The following GRM7 variants were observed in gnomAD, a reference collection of about 807,000 sequenced individuals.
GRM7 encodes glutamate metabotropic receptor 7.
In GRM7, 35 loss-of-function variants were observed where a neutral mutation model predicts 84.5. The observed-to-expected ratio is 0.41, with a 90% confidence interval of 0.32 to 0.55. The LOEUF is 0.55. Among genes scored for constraint, GRM7 ranks in the 20% least tolerant of loss-of-function variants. GRM7 has a pLI of 0.19. For synonymous variants in GRM7, 487 were observed against 455.1 expected (o/e 1.07, Z -0.89); for missense variants, 1,003 against 1,194.6 (o/e 0.84, Z 2.36).
At chr3:7,642,876 A>T (rs1281193274) in intron 8 of GRM7, among the ~76,000 whole-genome samples, 1 of 152,164 alleles carries the variant, frequency 6.6e-6, no homozygotes, top group African/African-American at 2.4e-5. Context: ...CACTCATTTT[A>T]TAGATCATGA....
At chr3:7,164,086 C>G (rs1694720133) in intron 2 of GRM7, among the ~76,000 whole-genome samples, 1 of 152,068 alleles carries the variant, frequency 6.6e-6, no homozygotes, top group South Asian at 2.1e-4. Flanking sequence ...TAGCCACATG[C>G]AGTGGCTCAC....
chr3:7,099,321 A>ATATATGTACACATGTATTATACATGTC (rs1698978789), intron 1 of GRM7, among the ~76,000 whole-genome samples: 1 of 146,496 alleles, frequency 6.8e-6, no homozygotes, highest in African/African-American at 2.6e-5. Flanking sequence ...TTATACATGT[A>ATATATGTACACATGTATTATACATGTC]TATATGTACA....
chr3:7,452,274 A>G (rs1479308851), intron 5 of GRM7, among the ~76,000 whole-genome samples: 1 of 152,140 alleles, frequency 6.6e-6, no homozygotes, highest in Non-Finnish European at 1.5e-5. Context: ...TGACCTTTCT[A>G]GAGTAAGCGA....
chr3:7,181,812 T>C (rs1695347157), intron 2 of GRM7, among the ~76,000 whole-genome samples: 1 of 152,030 alleles, frequency 6.6e-6, no homozygotes, highest in South Asian at 2.1e-4. Flanking sequence ...GAGGTGACTA[T>C]GTTGGCCAGG....
At chr3:7,108,096 C>A (rs1692716319) in intron 1 of GRM7, among the ~76,000 whole-genome samples, 1 of 152,010 alleles carries the variant, frequency 6.6e-6, no homozygotes, top group African/African-American at 2.4e-5. Context: ...CTACATTATG[C>A]CATTTTTAGT....
chr3:7,259,804 C>T (rs1428429761), intron 2 of GRM7, among the ~76,000 whole-genome samples: 2 of 152,024 alleles, frequency 1.3e-5, no homozygotes, highest in Non-Finnish European at 2.9e-5. Context: ...TGGGTATATA[C>T]CCAGTAATGG....
At chr3:6,971,607 C>G (rs985270528) in intron 1 of GRM7, among the ~76,000 whole-genome samples, 3 of 152,196 alleles carry the variant, frequency 2.0e-5, no homozygotes, top group Admixed American at 2.0e-4. Flanking sequence ...TAGCATCATG[C>G]ATTGCTAAAT....
intron 6 of GRM7, among the ~76,000 whole-genome samples, chr3:7,461,009 C>A (rs1698224360): frequency 6.6e-6 from 1 of 152,160 alleles, no homozygotes; most frequent in Non-Finnish European, 1.5e-5. Context: ...GAATACCTGA[C>A]AAATACACTG....
At chr3:7,042,871 T>C (rs1320665000) in intron 1 of GRM7, among the ~76,000 whole-genome samples, 1 of 152,188 alleles carries the variant, frequency 6.6e-6, no homozygotes, top group African/African-American at 2.4e-5. Flanking sequence ...AATTTTACCT[T>C]GTTGATTACT....
intron 4 of GRM7, among the ~76,000 whole-genome samples, chr3:7,384,913 A>T (rs765704851): frequency 6.6e-6 from 1 of 152,358 alleles, no homozygotes; most frequent in Admixed American, 6.5e-5. Context: ...TGTGCTATGG[A>T]GATCAAATAT....
chr3:7,420,313 A>T (rs2124825196), intron 5 of GRM7, among the ~76,000 whole-genome samples: 1 of 152,278 alleles, frequency 6.6e-6, no homozygotes. Flanking sequence ...TTATTATTCT[A>T]TTCTGAATTG....
chr3:7,247,806 G>T (rs1575078008), intron 2 of GRM7, among the ~76,000 whole-genome samples: 2 of 152,030 alleles, frequency 1.3e-5, no homozygotes. Flanking sequence ...AAAGGTCAAA[G>T]ACCTTGTGAA....
chr3:7,209,580 A>C (rs796263302), intron 2 of GRM7, among the ~76,000 whole-genome samples: 1 of 152,242 alleles, frequency 6.6e-6, no homozygotes, highest in Admixed American at 6.5e-5. Context: ...AGAGCCAGGT[A>C]GAGACTGCAC....
chr3:7,498,254 T>G (rs1699770114), intron 7 of GRM7, among the ~76,000 whole-genome samples: 1 of 152,190 alleles, frequency 6.6e-6, no homozygotes, highest in South Asian at 2.1e-4. Context: ...GAAAGTGACT[T>G]ATTGAATGAC....
intron 4 of GRM7, among the ~76,000 whole-genome samples, chr3:7,373,721 C>G (rs531836284): frequency 6.6e-6 from 1 of 152,256 alleles, no homozygotes; most frequent in East Asian, 1.9e-4. Flanking sequence ...CTCCAAGTTT[C>G]TACTTTGATA....
intron 1 of GRM7, among the ~76,000 whole-genome samples, chr3:7,097,882 C>A (rs148474712): frequency 4.0e-3 from 608 of 152,200 alleles, no homozygotes; most frequent in Middle Eastern, 0.01. Context: ...ATTTGCCATA[C>A]CTTTGACTTG....
At position 7,593,709 on chromosome 3, in the gene GRM7, TG is replaced by T. The variant is rs560818983; in HGVS notation, c.2451+14356del. Reference sequence around the variant, plus strand: ...TAGAGGATGGAGGTAGAAAATGGAATGGGGTGGGGGTAGCCAGTGGCTATTT... The same window carrying T: ...TAGAGGATGGAGGTAGAAAATGGAATGGGTGGGGGTAGCCAGTGGCTATTT... On this transcript the variant is annotated intron_variant, in intron 8 of 9. Transcript: ENST00000357716. 9.9e-5 allele frequency among the ~76,000 whole-genome samples: 15 copies of T among 151,866 alleles called. No homozygotes were observed. The South Asian group carries it at 2.9e-3, about 30-fold the overall frequency.
chr3:6,943,687 A>G (rs1476303669), intron 1 of GRM7, among the ~76,000 whole-genome samples: 1 of 152,004 alleles, frequency 6.6e-6, no homozygotes, highest in African/African-American at 2.4e-5. Context: ...GCATGTCCAC[A>G]TTCGTTTTAG....
intron 2 of GRM7, among the ~76,000 whole-genome samples, chr3:7,170,751 G>T (rs73124129): frequency 0.012 from 1,855 of 152,220 alleles, 38 homozygotes; most frequent in African/African-American, 0.043. Context: ...AAAGGGTAAG[G>T]GTAGTCTGTC....
Sources: gnomAD v4.1 joint callset for allele counts (sites outside exome capture counted in the v4.1 genomes callset) on GRCh38, gnomAD v4.1.1 for gene constraint, MANE v1.5 for transcripts, NCBI Gene and HGNC (gene_info 2026-07-23, HGNC 2026-07-21) for gene names.